RAPGEF6: variants seen among roughly 807,000 people sequenced by gnomAD.
RAPGEF6 encodes the protein PDZ domain containing guanine nucleotide exchange factor (GEF) 2.
A neutral mutation model predicts 171.4 loss-of-function variants in RAPGEF6; 56 were observed. The observed-to-expected ratio is 0.33, with a 90% CI of 0.26 to 0.41. The LOEUF (loss-of-function observed/expected upper bound fraction) is 0.41. Among genes scored for constraint, RAPGEF6 ranks in the 10% least tolerant of loss-of-function variants. RAPGEF6 has a pLI of 1.00. For missense variants in RAPGEF6, 1,674 were observed against 1,921.4 expected (o/e 0.87, Z 2.41); for synonymous variants, 692 against 650.1 (o/e 1.06, Z -0.98).
intron 16 of RAPGEF6, among the ~76,000 whole-genome samples, chr5:131,473,787 G>A (rs899919359): frequency 1.3e-5 from 2 of 152,068 alleles, no homozygotes; most frequent in Admixed American, 1.3e-4. Flanking sequence ...GTAAAATATA[G>A]GATTTTACGT....
At chr5:131,546,477 G>A (rs200980951) in intron 6 of RAPGEF6, among the ~76,000 whole-genome samples, 26 of 152,076 alleles carry the variant, frequency 1.7e-4, no homozygotes, top group East Asian at 1.6e-3. Context: ...GGTGGCGGGC[G>A]CCTGTAGTCC....
chr5:131,469,982 C>A (rs1359752409), intron 17 of RAPGEF6, among the ~76,000 whole-genome samples: 1 of 152,000 alleles, frequency 6.6e-6, no homozygotes, highest in Non-Finnish European at 1.5e-5. Context: ...TTGGCTGTTA[C>A]ACATGTCCTA....
intron 16 of RAPGEF6, among the ~76,000 whole-genome samples, chr5:131,474,767 C>T (rs1286089532): frequency 5.9e-5 from 9 of 152,056 alleles, no homozygotes; most frequent in African/African-American, 1.9e-4. Flanking sequence ...TTAAAGTATA[C>T]AGAAAATAAA....
intron 5 of RAPGEF6, among the ~76,000 whole-genome samples, chr5:131,557,353 G>A (rs1356039081): frequency 2.6e-5 from 4 of 151,990 alleles, no homozygotes; most frequent in African/African-American, 4.8e-5. Context: ...TTTATAAATG[G>A]TACGTTTATA....
intron 7 of RAPGEF6, among the ~76,000 whole-genome samples, chr5:131,513,797 TA>T (rs1220100579): frequency 6.6e-6 from 1 of 152,124 alleles, no homozygotes; most frequent in African/African-American, 2.4e-5. Context: ...CGCTTGAGCC[TA>T]GGAGTTTGAG....
intron 23 of RAPGEF6, among the ~76,000 whole-genome samples, chr5:131,441,849 A>T (rs1752402024): frequency 6.6e-6 from 1 of 152,228 alleles, no homozygotes; most frequent in South Asian, 2.1e-4. Context: ...CTGTCAAAAC[A>T]ACAAATAAAA....
intron 6 of RAPGEF6, among the ~76,000 whole-genome samples, chr5:131,525,253 C>T (rs547875853): frequency 6.6e-6 from 1 of 152,152 alleles, no homozygotes; most frequent in South Asian, 2.1e-4. Context: ...CAAATAAAAA[C>T]ATTTGTAAAA....
intron 6 of RAPGEF6, among the ~76,000 whole-genome samples, chr5:131,541,193 A>C (rs1205456018): frequency 1.3e-5 from 2 of 152,228 alleles, no homozygotes; most frequent in Non-Finnish European, 2.9e-5. Context: ...AGTGCACTCT[A>C]TGAACAGGAA....
At chr5:131,563,566 C>T (rs1761740368) in intron 4 of RAPGEF6, among the ~76,000 whole-genome samples, 1 of 152,192 alleles carries the variant, frequency 6.6e-6, no homozygotes, top group African/African-American at 2.4e-5. Flanking sequence ...TGCAGTGGTG[C>T]AATCACGGCT....
chr5:131,501,989 G>A (rs1580927757), intron 11 of RAPGEF6, among the ~76,000 whole-genome samples: 1 of 152,270 alleles, frequency 6.6e-6, no homozygotes, highest in East Asian at 1.9e-4. Context: ...TTGAGAAATG[G>A]CTAATTCCAG....
At chr5:131,427,923 C>T (rs1397935788) in intron 27 of RAPGEF6, among the ~76,000 whole-genome samples, 1 of 151,770 alleles carries the variant, frequency 6.6e-6, no homozygotes, top group Non-Finnish European at 1.5e-5. Context: ...GCCTGGGCAA[C>T]ATGGTAAAAT....
chr5:131,615,663 G>T (rs533257144), intron 1 of RAPGEF6, among the ~76,000 whole-genome samples: 2 of 152,252 alleles, frequency 1.3e-5, no homozygotes, highest in South Asian at 2.1e-4. Flanking sequence ...CACTTTGGGA[G>T]GCAGAGTGGG....
chr5:131,551,875 A>C (rs1760944919), intron 5 of RAPGEF6, among the ~76,000 whole-genome samples: 1 of 152,176 alleles, frequency 6.6e-6, no homozygotes, highest in Non-Finnish European at 1.5e-5. Context: ...TTCCCACTGA[A>C]TATAACTGAA....
chr5:131,480,119 T>C (rs1356552733), intron 15 of RAPGEF6, among the ~76,000 whole-genome samples: 1 of 152,194 alleles, frequency 6.6e-6, no homozygotes, highest in Non-Finnish European at 1.5e-5. Context: ...TTAGGTTCTA[T>C]TTTATGTTAT....
intron 6 of RAPGEF6, among the ~76,000 whole-genome samples, chr5:131,531,923 A>T (rs945758015): frequency 5.3e-5 from 8 of 151,030 alleles, no homozygotes; most frequent in African/African-American, 1.9e-4. Flanking sequence ...CAAATCTCTT[A>T]GAGGTCACGT....
chr5:131,483,787 A>G lies in RAPGEF6; in HGVS notation c.1841-4034T>C, dbSNP rs548695181. Among the ~76,000 whole-genome samples the G allele has an allele frequency of 1.2e-4, 18 of 152,138 alleles. 1 individual carries two copies. Among genetic ancestry groups the G allele is most frequent in the Admixed American group, 7.2e-4 (11 of 15,276 alleles). On this transcript the variant is annotated intron_variant, in intron 15 of 27. Transcript: ENST00000509018. The stretch of plus-strand genomic sequence containing the variant: ...TCAATAAAAGATGAGTAACAATATA[A>G]AAAGGGGCAGATGAAGTCAAGACTT...
intron 4 of RAPGEF6, among the ~76,000 whole-genome samples, chr5:131,578,186 C>CT (rs538828215): frequency 5.1e-4 from 78 of 152,032 alleles, no homozygotes; most frequent in East Asian, 1.2e-3. Context: ...TGATGAAGTC[C>CT]TTTTTTTTAA....
intron 21 of RAPGEF6, among the ~76,000 whole-genome samples, chr5:131,450,295 A>T (rs1206914598): frequency 1.3e-5 from 2 of 152,208 alleles, no homozygotes; most frequent in African/African-American, 4.8e-5. Flanking sequence ...TATATTTTAA[A>T]TACCTAATTC....
chr5:131,562,721 G>C (rs1402724098), intron 4 of RAPGEF6, among the ~76,000 whole-genome samples: 2 of 152,130 alleles, frequency 1.3e-5, no homozygotes, highest in African/African-American at 4.8e-5. Flanking sequence ...TTATTGCTTA[G>C]GGAATAATGA....
Sources: allele counts gnomAD v4.1 joint callset (sites outside exome capture counted in the v4.1 genomes callset), GRCh38; gene constraint gnomAD v4.1.1; transcripts MANE v1.5; gene names NCBI Gene and HGNC (gene_info 2026-07-23, HGNC 2026-07-21).